WDPCP: variants seen among roughly 807,000 people sequenced by gnomAD.
WDPCP encodes the protein WD repeat-containing and planar cell polarity effector protein fritz homolog.
WDPCP carries 71 observed loss-of-function variants against 93.1 expected under a neutral mutation model. The ratio of observed to expected loss-of-function variants is 0.76; its 90% CI spans 0.63 to 0.93. WDPCP has a LOEUF of 0.93. Ranked by LOEUF, WDPCP falls within the 40% of genes least tolerant of loss-of-function variation. The pLI is 0.00. For missense variants in WDPCP, 844 were observed against 887.4 expected (o/e 0.95, Z 0.62); for synonymous variants, 315 against 315.0 (o/e 1.00, Z 0.00).
chr2:63,261,189 GTTT>G (rs70965114), intron 13 of WDPCP, among the ~76,000 whole-genome samples: 1 of 138,800 alleles, frequency 7.2e-6, no homozygotes, highest in African/African-American at 2.7e-5. Flanking sequence ...TTTTTTTTCT[GTTT>G]TTTTTTTTTT....
intron 15 of WDPCP, among the ~76,000 whole-genome samples, chr2:63,168,167 C>G (rs1673128030): frequency 6.8e-6 from 1 of 147,938 alleles, no homozygotes; most frequent in East Asian, 2.0e-4. Context: ...TCATATCTCT[C>G]TATATCTCCT....
At chr2:63,251,486 C>CTTT (rs869243555) in intron 14 of WDPCP, among the ~76,000 whole-genome samples, 80 of 107,156 alleles carry the variant, frequency 7.5e-4, no homozygotes, top group African/African-American at 1.5e-3. Context: ...AAAAGCCTAC[C>CTTT]TTTTTTTTTT....
At chr2:63,590,856 G>A (rs1709185578), upstream of WDPCP, 1 of 152,196 alleles carries the variant, frequency 6.6e-6, no homozygotes, top group Non-Finnish European at 1.5e-5. Flanking sequence ...GTGTGTGAAT[G>A]GACAGAGTTA....
intron 14 of WDPCP, among the ~76,000 whole-genome samples, chr2:63,220,449 A>G (rs1456408498): frequency 1.3e-5 from 2 of 152,122 alleles, no homozygotes; most frequent in Non-Finnish European, 2.9e-5. Context: ...GATAGTATGG[A>G]TATGTTTTGG....
intron 12 of WDPCP, among the ~76,000 whole-genome samples, chr2:63,356,978 C>T (rs541126594): frequency 4.6e-5 from 7 of 152,220 alleles, no homozygotes; most frequent in African/African-American, 1.4e-4. Flanking sequence ...GCCACACATC[C>T]ACAACCATCT....
chr2:63,482,856 A>AT (rs2105896082), intron 6 of WDPCP, among the ~76,000 whole-genome samples: 1 of 152,106 alleles, frequency 6.6e-6, no homozygotes, highest in African/African-American at 2.4e-5. Context: ...ACAAAAAAAG[A>AT]TAAGTCCTAT....
intron 1 of WDPCP, among the ~76,000 whole-genome samples, chr2:63,511,288 A>G (rs1465954224): frequency 2.6e-5 from 4 of 152,146 alleles, no homozygotes; most frequent in Admixed American, 2.0e-4. Context: ...TCATGGATGG[A>G]AAGAATCAAT....
intron 17 of WDPCP, among the ~76,000 whole-genome samples, chr2:63,129,888 T>C (rs1258356338): frequency 6.6e-6 from 1 of 152,222 alleles, no homozygotes; most frequent in African/African-American, 2.4e-5. Flanking sequence ...AATTATTATG[T>C]AAATCATTGT....
rs1241891532 is a variant in WDPCP at position 63,121,213 on chromosome 2, G to T, written c.*793C>A. ...AGGGAAACAGTATCTGTGTTCTAAG[G>T]GGCAGTCAGGGCAAATTACTCATAG... On this transcript the variant is annotated 3_prime_UTR_variant, in exon 18 of 18. Transcript: ENST00000272321. Among the ~76,000 whole-genome samples, 1 of 151,898 alleles carries T rather than the reference G, an allele frequency of 6.6e-6. No individual in the cohort carries two copies. The highest frequency in any genetic ancestry group is 1.5e-5 in the Non-Finnish European group (1 of 67,978).
chr2:63,410,979 G>T (rs918557975), intron 9 of WDPCP, among the ~76,000 whole-genome samples: 1 of 152,080 alleles, frequency 6.6e-6, no homozygotes, highest in Non-Finnish European at 1.5e-5. Flanking sequence ...GCACTAGACA[G>T]GTCATCAAGA....
At chr2:63,396,804 C>A (rs965343880) in intron 10 of WDPCP, among the ~76,000 whole-genome samples, 2 of 152,106 alleles carry the variant, frequency 1.3e-5, no homozygotes, top group Non-Finnish European at 2.9e-5. Flanking sequence ...TTCTGCTTCT[C>A]TCCCTCCTCC....
chr2:63,838,441 C>G, the WDPCP span, among the ~76,000 whole-genome samples: 1 of 152,140 alleles, frequency 6.6e-6, no homozygotes, highest in East Asian at 1.9e-4. Context: ...TTTGTATCAT[C>G]CGTGGATGGT....
At chr2:63,688,706 C>T (rs1391010589) in intron 2 of WDPCP, among the ~76,000 whole-genome samples, 1 of 152,024 alleles carries the variant, frequency 6.6e-6, no homozygotes, top group Non-Finnish European at 1.5e-5. Context: ...GATTATTAGG[C>T]ATTGCATGCC....
At chr2:63,533,570 T>C (rs905692386) in intron 1 of WDPCP, among the ~76,000 whole-genome samples, 4 of 152,066 alleles carry the variant, frequency 2.6e-5, no homozygotes, top group Admixed American at 2.0e-4. Flanking sequence ...TCAAAACTGC[T>C]CAACTACATG....
chr2:63,674,196 C>G (rs1710377737), intron 2 of WDPCP, among the ~76,000 whole-genome samples: 4 of 152,302 alleles, frequency 2.6e-5, no homozygotes, highest in Middle Eastern at 3.4e-3. Context: ...TACGTATTTG[C>G]TTTTTCCTTT....
At chr2:63,684,866 T>C (rs941691368) in intron 2 of WDPCP, among the ~76,000 whole-genome samples, 2 of 152,172 alleles carry the variant, frequency 1.3e-5, no homozygotes, top group Non-Finnish European at 2.9e-5. Flanking sequence ...AATGTGCTCC[T>C]GAATAACCAG....
rs577721446 is a variant in WDPCP at position 63,696,901 on chromosome 2, A to G, written n.309-46063T>C. 8.2e-4 allele frequency among the ~76,000 whole-genome samples: 125 copies of G among 152,320 alleles called. 3 individuals carry two copies. The South Asian group carries it at 0.025, about 30-fold the overall frequency. ...CACCAAGCTCAAAACAAAGAAGGTA[A>G]AACATAGTTCTTCCATCCCCATCAC... is the stretch of plus-strand genomic sequence containing the variant. On this transcript the variant is annotated intron_variant and non_coding_transcript_variant, in intron 2 of 4. Transcript: ENST00000467687.
At chr2:63,706,930 C>T (rs1384522769) in intron 2 of WDPCP, among the ~76,000 whole-genome samples, 1 of 152,132 alleles carries the variant, frequency 6.6e-6, no homozygotes, top group East Asian at 1.9e-4. Context: ...AAATTCTTTT[C>T]TTTAAGAATG....
intron 14 of WDPCP, among the ~76,000 whole-genome samples, chr2:63,218,833 G>A (rs1055455482): frequency 7.9e-5 from 12 of 151,954 alleles, no homozygotes; most frequent in South Asian, 6.2e-4. Context: ...TGCAGCTAGC[G>A]AAAATACAGA....
Sources: gnomAD v4.1 joint callset for allele counts (sites outside exome capture counted in the v4.1 genomes callset) on GRCh38, gnomAD v4.1.1 for gene constraint, MANE v1.5 for transcripts, NCBI Gene and HGNC (gene_info 2026-07-23, HGNC 2026-07-21) for gene names.